The following IDE variants were observed in gnomAD, a reference collection of about 807,000 sequenced individuals.
IDE encodes the protein insulin-degrading enzyme.
Under a neutral mutation model 133.2 loss-of-function variants are expected in IDE, and 58 were observed. The ratio of observed to expected loss-of-function variants is 0.44; its 90% CI spans 0.35 to 0.54. IDE has a LOEUF of 0.54. IDE is among the 20% of genes least tolerant of loss of function. The pLI is 0.00. For missense variants in IDE, 981 were observed against 1,234.0 expected (o/e 0.79, Z 3.07); for synonymous variants, 396 against 421.3 (o/e 0.94, Z 0.73).
At chr10:92,462,291 C>CT (rs1299810931) in intron 21 of IDE, among the ~76,000 whole-genome samples, 1 of 144,132 alleles carries the variant, frequency 6.9e-6, no homozygotes, top group Non-Finnish European at 1.5e-5. Context: ...ATACTACAGC[C>CT]TGGGCGACAG....
At chr10:92,534,872 A>G in intron 2 of IDE, 87 bp from the exon 3 acceptor site, 1 of 865,892 alleles carries the variant, frequency 1.2e-6, no homozygotes, top group South Asian at 1.5e-5. Context: ...TGTTAGCATG[A>G]CAACTCCAAC....
In IDE at chr10:92,475,890, T is replaced by C. The variant is rs1258802608; in HGVS notation, c.1989A>G (p.Lys663=). 2 of 1,316,278 alleles carry C rather than the reference T, an allele frequency of 1.5e-6. No homozygotes were observed. The highest frequency in any genetic ancestry group is 2.2e-6 in the Non-Finnish European group (2 of 929,914). The allele number at this position is 1,316,278 out of a possible 1,614,324, so 81.5% of individuals were successfully genotyped here. The change falls in exon 16 of 25, where the codon AAA becomes AAG. Residue 663 remains lysine, a synonymous_variant. Transcript: ENST00000265986. The part of the protein sequence containing the change: ...EIDEKRFEII[K]EAYMRSLNNF... ...CAGGGTTCAGAAAACTTACTGCTTC[T>C]TTGATAATTTCAAATCTTTTTTCAT...
chr10:92,509,018 G>C (rs1360672116), intron 6 of IDE, 128 bp from the exon 7 acceptor site: 2 of 683,352 alleles, frequency 2.9e-6, no homozygotes, highest in East Asian at 5.3e-5. Context: ...CACAGAAAAT[G>C]ATACACTGAC....
intron 6 of IDE, among the ~76,000 whole-genome samples, chr10:92,509,182 G>A (rs1848455209): frequency 6.6e-6 from 1 of 152,182 alleles, no homozygotes; most frequent in African/African-American, 2.4e-5. Context: ...AGTCTATTAA[G>A]ACTACAGCTA....
chr10:92,512,959 A>C (rs1848707610), intron 5 of IDE, among the ~76,000 whole-genome samples: 1 of 152,202 alleles, frequency 6.6e-6, no homozygotes, highest in African/African-American at 2.4e-5. Context: ...GGTACAATGT[A>C]CCACCCACCA....
At chr10:92,573,164 C>G in intron 1 of IDE, 1 of 985,446 alleles carries the variant, frequency 1.0e-6, no homozygotes, top group Non-Finnish European at 1.2e-6. Flanking sequence ...AAACGCCTAG[C>G]GTACGCAGAT....
chr10:92,537,673 T>C, intron 1 of IDE, 123 bp from the exon 2 acceptor site: 1 of 657,030 alleles, frequency 1.5e-6, no homozygotes, highest in Non-Finnish European at 2.6e-6. Flanking sequence ...AAACCTTTTA[T>C]AGCCACTCTA....
intron 14 of IDE, among the ~76,000 whole-genome samples, chr10:92,483,009 T>C (rs538511010): frequency 6.6e-6 from 1 of 152,178 alleles, no homozygotes; most frequent in African/African-American, 2.4e-5. Flanking sequence ...CTCACTCTCC[T>C]GACCTCATGA....
chr10:92,549,187 G>A (rs1256073893), intron 1 of IDE, among the ~76,000 whole-genome samples: 2 of 152,114 alleles, frequency 1.3e-5, no homozygotes, highest in East Asian at 1.9e-4. Context: ...GAATCTGGGA[G>A]GCGGATGTTG....
At chr10:92,460,325 T>C (rs1007963965) in intron 22 of IDE, among the ~76,000 whole-genome samples, 4 of 152,230 alleles carry the variant, frequency 2.6e-5, no homozygotes, top group Admixed American at 2.0e-4. Context: ...TAATTTATAG[T>C]TGTCAGAGCT....
intron 1 of IDE, among the ~76,000 whole-genome samples, chr10:92,560,089 G>A (rs1843206044): frequency 6.6e-6 from 1 of 152,040 alleles, no homozygotes; most frequent in Non-Finnish European, 1.5e-5. Context: ...CCCTTTTGCT[G>A]TTTTATGACA....
intron 20 of IDE, among the ~76,000 whole-genome samples, chr10:92,464,644 G>A (rs1203759359): frequency 1.3e-5 from 2 of 152,148 alleles, no homozygotes; most frequent in African/African-American, 2.4e-5. Flanking sequence ...CACTTCTGAG[G>A]AAGTTTCTAT....
intron 19 of IDE, 74 bp from the exon 20 acceptor site, chr10:92,465,917 C>A (rs537573729): frequency 1.6e-4 from 196 of 1,200,472 alleles, no homozygotes; most frequent in Non-Finnish European, 2.3e-4. Context: ...GCTATGTCTG[C>A]CCACACTTAC....
At chr10:92,498,284 G>A (rs1052892791) in intron 11 of IDE, among the ~76,000 whole-genome samples, 3 of 152,124 alleles carry the variant, frequency 2.0e-5, no homozygotes, top group African/African-American at 7.2e-5. Flanking sequence ...ACTAGTAGTA[G>A]GTGACAAAAC....
At chr10:92,519,613 A>G (rs750898886) in intron 4 of IDE, among the ~76,000 whole-genome samples, 3 of 152,194 alleles carry the variant, frequency 2.0e-5, no homozygotes, top group African/African-American at 2.4e-5. Flanking sequence ...GGGGTCATTT[A>G]TTTCATCTGT....
chr10:92,538,540 G>C (rs75814249), intron 1 of IDE, among the ~76,000 whole-genome samples: 5,410 of 152,294 alleles, frequency 0.036, 366 homozygotes, highest in African/African-American at 0.12. Context: ...GAAAAGTCTG[G>C]CAATCTTAAC....
At position 92,456,448 on chromosome 10, in the gene IDE, G is replaced by A. The variant is rs200095067; in HGVS notation, c.2824-17C>T. The A allele has an allele frequency of 3.8e-6, 6 of 1,592,592 alleles. No homozygotes were observed. Among genetic ancestry groups the A allele is most frequent in the Middle Eastern group, 1.7e-4 (1 of 6,018 alleles). On this transcript the variant is annotated splice_polypyrimidine_tract_variant and intron_variant, in intron 22 of 24. Coordinates refer to ENST00000265986, the MANE Select transcript of IDE (RefSeq NM_004969.4). ...CAACATTTCCTAGGCACAAAGAAGA[G>A]CAGGGTCACCCTTTTGCTCCACTAA... is the stretch of plus-strand genomic sequence containing the variant.
chr10:92,548,057 T>C (rs576098657), intron 1 of IDE, among the ~76,000 whole-genome samples: 1 of 152,210 alleles, frequency 6.6e-6, no homozygotes, highest in East Asian at 1.9e-4. Context: ...CATCTAGTTT[T>C]GACAATCAAG....
At chr10:92,520,096 C>T (rs1218020726) in intron 4 of IDE, among the ~76,000 whole-genome samples, 1 of 152,078 alleles carries the variant, frequency 6.6e-6, no homozygotes, top group Non-Finnish European at 1.5e-5. Flanking sequence ...CAGAGCAAGA[C>T]TCCATCTCAT....
Sources: gnomAD v4.1 joint callset for allele counts (sites outside exome capture counted in the v4.1 genomes callset) on GRCh38, gnomAD v4.1.1 for gene constraint, MANE v1.5 for transcripts, NCBI Gene and HGNC (gene_info 2026-07-23, HGNC 2026-07-21) for gene names.